The following N4BP2L2 variants were observed in gnomAD, a reference collection of about 807,000 sequenced individuals.
The protein encoded by N4BP2L2 is NEDD4-binding protein 2-like 2.
N4BP2L2 carries 50 observed loss-of-function variants against 56.2 expected under a neutral mutation model. The ratio of observed to expected loss-of-function variants is 0.89; its 90% confidence interval spans 0.71 to 1.13. N4BP2L2 has a LOEUF of 1.13. Ranked by LOEUF, N4BP2L2 falls within the 50% of genes most tolerant of loss-of-function variation. The pLI, the probability that N4BP2L2 is intolerant of heterozygous loss-of-function variation, is 0.00. For synonymous variants in N4BP2L2, 203 were observed against 223.6 expected, an observed-to-expected ratio of 0.91 and a Z score of 0.82; for missense variants, 689 against 693.8, an observed-to-expected ratio of 0.99 and a Z score of 0.08.
chr13:32,483,960 G>T (rs1260541447), intron 6 of N4BP2L2, among the ~76,000 whole-genome samples: 1 of 149,480 alleles, frequency 6.7e-6, no homozygotes, highest in African/African-American at 2.5e-5. Flanking sequence ...CTGCAGCCTG[G>T]GCAACAAGAG....
intron 6 of N4BP2L2, among the ~76,000 whole-genome samples, chr13:32,472,686 G>A (rs12867596): frequency 0.031 from 4,745 of 152,264 alleles, 107 homozygotes; most frequent in Middle Eastern, 0.065. Flanking sequence ...GGTCACACCC[G>A]TGAGATGAAG....
intron 6 of N4BP2L2, among the ~76,000 whole-genome samples, chr13:32,452,251 G>A (rs1303495146): frequency 6.6e-6 from 1 of 151,962 alleles, no homozygotes; most frequent in Non-Finnish European, 1.5e-5. Context: ...AGTAGAGACG[G>A]GGTTTCTCTA....
rs559969230 is a variant in N4BP2L2, at chr13:32,501,381, G to A, written c.365+16476C>T. Among the ~76,000 whole-genome samples, 19 of 151,564 alleles carry A rather than the reference G, an allele frequency of 1.3e-4. No homozygotes were observed. In the East Asian group the frequency reaches 3.3e-3, roughly 26 times the overall value. On this transcript the variant is annotated intron_variant, in intron 6 of 9. Transcript: ENST00000357505. ...ATGTCTCCATGAAAACCGAGAGAGA[G>A]GAGAAAAAGACTTGCCACATTAAGC... is the stretch of plus-strand genomic sequence containing the variant.
intron 6 of N4BP2L2, among the ~76,000 whole-genome samples, chr13:32,449,697 T>C (rs2077588653): frequency 6.6e-6 from 1 of 152,248 alleles, no homozygotes; most frequent in Non-Finnish European, 1.5e-5. Flanking sequence ...TAGTGGGTAC[T>C]TCATAAATGG....
Position 32,447,414 on chromosome 13 carries a change from G to T in N4BP2L2, c.366-3288C>A, listed in dbSNP as rs559564746. Reference sequence around the variant, plus strand: ...CTCCTCCTGGAGTTAATTCACTCATGGGGTGGAGGCAGTGAGAAGGGATCA... The same window carrying T: ...CTCCTCCTGGAGTTAATTCACTCATTGGGTGGAGGCAGTGAGAAGGGATCA... On this transcript the variant is annotated intron_variant, in intron 6 of 9. Coordinates refer to the N4BP2L2 transcript ENST00000357505. Among the ~76,000 whole-genome samples, 5 of 151,554 alleles carry T rather than the reference G, an allele frequency of 3.3e-5. No homozygotes were observed. In the South Asian group the frequency reaches 1.0e-3, roughly 31 times the overall value.
At chr13:32,513,761 A>C (rs1223279974) in exon 6 of N4BP2L2, 2 of 152,156 alleles carry the variant, frequency 1.3e-5, no homozygotes, top group Non-Finnish European at 2.9e-5. Flanking sequence ...TGTTAAGAAA[A>C]AAAAAGCAAC....
intron 3 of N4BP2L2, chr13:32,523,235 A>T (rs2051511368): frequency 1.3e-5 from 2 of 152,144 alleles, no homozygotes; most frequent in East Asian, 1.9e-4. Context: ...TATTAAAAAT[A>T]AAAAAATTAG....
chr13:32,524,352 CAAAT>C (rs1405462817), intron 3 of N4BP2L2: 1 of 152,210 alleles, frequency 6.6e-6, no homozygotes, highest in African/African-American at 2.4e-5. Flanking sequence ...TTTTATTGAT[CAAAT>C]AAATTTCTGA....
At chr13:32,526,238 T>C (rs893940101) in intron 3 of N4BP2L2, among the ~76,000 whole-genome samples, 3 of 152,194 alleles carry the variant, frequency 2.0e-5, no homozygotes, top group Non-Finnish European at 4.4e-5. Flanking sequence ...GAACATGCTA[T>C]GGATTAACTT....
chr13:32,511,045 A>G (rs2048029205), exon 6 of N4BP2L2: 1 of 152,176 alleles, frequency 6.6e-6, no homozygotes, highest in African/African-American at 2.4e-5. Context: ...TGTCTAACAT[A>G]GATTTGAATC....
At chr13:32,465,155 C>T (rs966269692) in intron 6 of N4BP2L2, among the ~76,000 whole-genome samples, 6 of 151,906 alleles carry the variant, frequency 3.9e-5, no homozygotes, top group Non-Finnish European at 7.4e-5. Flanking sequence ...TTAGTAGAGA[C>T]GGGGTTTCAC....
chr13:32,535,782 T>C, exon 2 of N4BP2L2: 1 of 1,612,916 alleles, frequency 6.2e-7, no homozygotes, highest in Non-Finnish European at 8.5e-7. Flanking sequence ...GACAATGTTG[T>C]TTTCCCAGAA....
At chr13:32,438,908 A>T (rs2075837987) in intron 7 of N4BP2L2, among the ~76,000 whole-genome samples, 1 of 152,224 alleles carries the variant, frequency 6.6e-6, no homozygotes, top group Non-Finnish European at 1.5e-5. Context: ...CAATTAGTAA[A>T]CACTATCCAG....
At chr13:32,458,236 T>C (rs1030977853) in intron 6 of N4BP2L2, among the ~76,000 whole-genome samples, 2 of 152,168 alleles carry the variant, frequency 1.3e-5, no homozygotes, top group African/African-American at 4.8e-5. Context: ...AGCTACTTTT[T>C]TGTATTTTTT....
intron 6 of N4BP2L2, among the ~76,000 whole-genome samples, chr13:32,504,086 C>T (rs1229028606): frequency 4.6e-5 from 7 of 152,052 alleles, no homozygotes; most frequent in South Asian, 4.1e-4. Flanking sequence ...AAAAATTTTT[C>T]GAAACAACAT....
At chr13:32,484,377 G>A (rs184125911) in intron 6 of N4BP2L2, among the ~76,000 whole-genome samples, 46 of 152,274 alleles carry the variant, frequency 3.0e-4, no homozygotes, top group African/African-American at 1.1e-3. Flanking sequence ...ACAGTATCAT[G>A]TGCTATTAGT....
chr13:32,436,123 G>A (rs2075442726), intron 9 of N4BP2L2, among the ~76,000 whole-genome samples: 1 of 151,984 alleles, frequency 6.6e-6, no homozygotes, highest in African/African-American at 2.4e-5. Context: ...AATAAAGTGG[G>A]AAAATAAATT....
chr13:32,491,540 T>C (rs1257202095), intron 6 of N4BP2L2, among the ~76,000 whole-genome samples: 1 of 147,722 alleles, frequency 6.8e-6, no homozygotes. Flanking sequence ...ATAAACTATA[T>C]ATATACTATA....
chr13:32,443,051 C>A (rs2076589397), exon 7 of N4BP2L2: 1 of 1,607,284 alleles, frequency 6.2e-7, no homozygotes, highest in African/African-American at 1.3e-5. Flanking sequence ...AAATTTGGTA[C>A]CAAATTGAAA....
Sources: allele counts gnomAD v4.1 joint callset (sites outside exome capture counted in the v4.1 genomes callset), GRCh38; gene constraint gnomAD v4.1.1; transcripts MANE v1.5; gene names NCBI Gene and HGNC (gene_info 2026-07-23, HGNC 2026-07-21).